EVI5: variants seen among roughly 807,000 people sequenced by gnomAD.
The protein encoded by EVI5 is ecotropic viral integration site 5.
A neutral mutation model predicts 112.0 loss-of-function variants in EVI5; 73 were observed. That is an observed-to-expected ratio of 0.65 (90% CI 0.54 to 0.79). EVI5 has a LOEUF of 0.79. Ranked by LOEUF, EVI5 falls within the 30% of genes least tolerant of loss-of-function variation. The pLI, the probability that EVI5 is intolerant of heterozygous loss-of-function variation, is 0.00. For synonymous variants in EVI5, 305 were observed against 319.9 expected (o/e 0.95, Z 0.50); for missense variants, 900 against 968.8 (o/e 0.93, Z 0.94).
chr1:92,753,436 A>G (rs1680489887), intron 1 of EVI5, among the ~76,000 whole-genome samples: 1 of 152,238 alleles, frequency 6.6e-6, no homozygotes, highest in Admixed American at 6.5e-5. Flanking sequence ...TAGTAGCTAT[A>G]TTCTAAAAAG....
At chr1:92,641,857 C>T (rs1380551825) in intron 13 of EVI5, among the ~76,000 whole-genome samples, 10 of 152,156 alleles carry the variant, frequency 6.6e-5, no homozygotes, top group East Asian at 1.9e-4. Flanking sequence ...AGGCCGGGAG[C>T]GGTGGTGCAC....
At chr1:92,775,098 A>G (rs1363984505) in intron 1 of EVI5, among the ~76,000 whole-genome samples, 1 of 152,252 alleles carries the variant, frequency 6.6e-6, no homozygotes, top group Admixed American at 6.5e-5. Flanking sequence ...CATGCACCGC[A>G]TAAGAACATT....
At chr1:92,654,330 T>G (rs1326352562) in intron 13 of EVI5, among the ~76,000 whole-genome samples, 2 of 152,106 alleles carry the variant, frequency 1.3e-5, no homozygotes, top group African/African-American at 4.8e-5. Context: ...GGAAATGAGA[T>G]AAGATTCTTG....
intron 1 of EVI5, among the ~76,000 whole-genome samples, chr1:92,777,581 G>C (rs1232392233): frequency 6.6e-6 from 1 of 152,252 alleles, no homozygotes; most frequent in Non-Finnish European, 1.5e-5. Context: ...TCTACCTCCT[G>C]ACACTCTTTT....
At position 92,513,622 on chromosome 1, in the gene EVI5, TTAAA is replaced by T. The variant is rs1184639013; in HGVS notation, c.*30_*33del. On this transcript the variant is annotated 3_prime_UTR_variant, in exon 20 of 20. Transcript: ENST00000684568. ...CCCTAATCATATGATAACTGATCCC[TTAAA>T]TAAATCCATAGTCTAGGTCACAGTG... 1 of 1,444,624 alleles carries T rather than the reference TTAAA, an allele frequency of 6.9e-7. No individual in the cohort carries two copies. The highest frequency in any genetic ancestry group is 1.4e-5 in the African/African-American group (1 of 69,602). The allele number at this position is 1,444,624 out of a possible 1,614,324, so 89.5% of individuals were successfully genotyped here. A position where few individuals can be genotyped will look rare whatever the true frequency, so the allele number is the denominator to read the frequency against.
At chr1:92,548,587 T>C (rs987855386) in intron 19 of EVI5, among the ~76,000 whole-genome samples, 2 of 152,028 alleles carry the variant, frequency 1.3e-5, no homozygotes, top group South Asian at 2.1e-4. Flanking sequence ...GATTGTATAT[T>C]TAGAAAACCC....
At chr1:92,624,111 A>G (rs1045048493) in intron 16 of EVI5, 65 bp downstream of exon 16, 2 of 1,356,976 alleles carry the variant, frequency 1.5e-6, no homozygotes, top group African/African-American at 1.4e-5. Flanking sequence ...GGATGATACA[A>G]TCTGTGCACA....
At chr1:92,667,678 C>T (rs185044586) in intron 10 of EVI5, among the ~76,000 whole-genome samples, 3 of 152,266 alleles carry the variant, frequency 2.0e-5, no homozygotes, top group Non-Finnish European at 4.4e-5. Context: ...TGCAGTGGTG[C>T]GATCTCAGCT....
At position 92,702,162 on chromosome 1, in the gene EVI5, T is replaced by C; in HGVS notation, c.618A>G (p.Ile206Met). 6.6e-7 allele frequency: 1 copy of C among 1,509,056 alleles called. No homozygotes were observed. The allele number at this position is 1,509,056 out of a possible 1,614,324, so 93.5% of individuals were successfully genotyped here. A position where few individuals can be genotyped will look rare whatever the true frequency, so the allele number is the denominator to read the frequency against. The change falls in exon 5 of 20, where the codon ATA (isoleucine) becomes ATG (methionine). Residue 206 changes from isoleucine to methionine, a missense_variant. Coordinates refer to ENST00000684568, the MANE Select transcript of EVI5 (RefSeq NM_001350197.2). ...TTACCTGCATAAGCAACAATCCAAC[T>C]ATAAAAGCACTTCCTTGACAGTAAC... ...EVGYCQGSAF[I>M]VGLLLMQMPE...
chr1:92,660,831 A>G (rs933385175), intron 13 of EVI5, among the ~76,000 whole-genome samples: 1 of 152,026 alleles, frequency 6.6e-6, no homozygotes, highest in Non-Finnish European at 1.5e-5. Flanking sequence ...CATAAAGGGA[A>G]TGATAGAAAT....
chr1:92,716,128 T>C (rs1188617571), intron 2 of EVI5, among the ~76,000 whole-genome samples: 2 of 152,170 alleles, frequency 1.3e-5, no homozygotes, highest in African/African-American at 2.4e-5. Context: ...ATCATGGTGT[T>C]TGAGCTCTAA....
At chr1:92,710,160 T>C (rs1558123783) in intron 2 of EVI5, among the ~76,000 whole-genome samples, 1 of 138,746 alleles carries the variant, frequency 7.2e-6, no homozygotes, top group Admixed American at 7.6e-5. Flanking sequence ...CTGGGCAACA[T>C]GGAGAAACCC....
Position 92,509,929 on chromosome 1 carries a change from A to G in EVI5, c.*3727T>C, listed in dbSNP as rs576364045. On this transcript the variant is annotated 3_prime_UTR_variant, in exon 20 of 20. Transcript: ENST00000684568. ...TATCACAAAATGTCAGTAATTAAAT[A>G]AAATTCATCGAGAACATTGTTCAAT... 6.6e-6 allele frequency: 1 copy of G among 152,334 alleles called. No homozygotes were observed. The highest frequency in any genetic ancestry group is 2.1e-4 in the South Asian group (1 of 4,824). 9.4% of individuals were successfully genotyped at this position (152,334 alleles called of 1,614,324 possible).
intron 18 of EVI5, among the ~76,000 whole-genome samples, chr1:92,599,467 T>C (rs933955043): frequency 1.3e-5 from 2 of 151,970 alleles, no homozygotes; most frequent in Non-Finnish European, 2.9e-5. Flanking sequence ...TGAAAAAAGT[T>C]TCAGGTTTTA....
At chr1:92,726,739 T>C (rs1196694510) in intron 2 of EVI5, among the ~76,000 whole-genome samples, 1 of 152,136 alleles carries the variant, frequency 6.6e-6, no homozygotes, top group Non-Finnish European at 1.5e-5. Flanking sequence ...GTAGAGTTTA[T>C]AACACATATA....
chr1:92,765,169 T>C (rs530331874), intron 1 of EVI5, among the ~76,000 whole-genome samples: 8 of 151,646 alleles, frequency 5.3e-5, no homozygotes, highest in Non-Finnish European at 8.8e-5. Flanking sequence ...ACATTCCTTA[T>C]ATATATCTTC....
In EVI5 at chr1:92,538,549, T is replaced by C. The variant is rs144681304; in HGVS notation, c.2167-24579A>G. Among the ~76,000 whole-genome samples the C allele has an allele frequency of 1.4e-3, 216 of 152,326 alleles. 2 individuals carry two copies. The highest frequency in any genetic ancestry group is 4.8e-3 in the African/African-American group (200 of 41,576). ...TCAATCAATTAACCAAATATGCACC[T>C]AGTGTTTAGGTGACAAGTGTTGTGA... On this transcript the variant is annotated intron_variant, in intron 19 of 19. Coordinates refer to ENST00000684568, the MANE Select transcript of EVI5 (RefSeq NM_001350197.2).
chr1:92,530,784 A>G (rs1662746057), intron 19 of EVI5, among the ~76,000 whole-genome samples: 1 of 152,024 alleles, frequency 6.6e-6, no homozygotes, highest in Non-Finnish European at 1.5e-5. Flanking sequence ...GCCAAAGGTC[A>G]CCAACTTCAA....
At chr1:92,659,232 A>G (rs1452587942) in intron 13 of EVI5, among the ~76,000 whole-genome samples, 4 of 152,184 alleles carry the variant, frequency 2.6e-5, no homozygotes, top group Non-Finnish European at 1.5e-5. Context: ...AAATGCAACA[A>G]AAACAAAAAT....
Sources: gnomAD v4.1 joint callset for allele counts (sites outside exome capture counted in the v4.1 genomes callset) on GRCh38, gnomAD v4.1.1 for gene constraint, MANE v1.5 for transcripts, NCBI Gene and HGNC (gene_info 2026-07-23, HGNC 2026-07-21) for gene names.